GAREM1: variants seen among roughly 807,000 people sequenced by gnomAD.
GAREM1 encodes the protein GRB2-associated and regulator of MAPK protein 1.
A neutral mutation model predicts 71.3 loss-of-function variants in GAREM1; 26 were observed. The ratio of observed to expected loss-of-function variants is 0.36; its 90% CI spans 0.27 to 0.51. The LOEUF (loss-of-function observed/expected upper bound fraction) is 0.51, where lower values mean the gene tolerates loss of function less well. GAREM1 is among the 20% of genes least tolerant of loss of function. The pLI is 0.95. For missense variants in GAREM1, 1,026 were observed against 1,103.1 expected (o/e 0.93, Z 0.99); for synonymous variants, 440 against 433.2 (o/e 1.02, Z -0.20).
At chr18:32,371,111 A>G (rs531989527) in intron 2 of GAREM1, among the ~76,000 whole-genome samples, 31 of 152,128 alleles carry the variant, frequency 2.0e-4, no homozygotes, top group African/African-American at 7.2e-4. Context: ...ATGAAGCCCA[A>G]TCTTCCAGGT....
chr18:32,393,809 A>G (rs1380195061), intron 1 of GAREM1, among the ~76,000 whole-genome samples: 1 of 152,234 alleles, frequency 6.6e-6, no homozygotes, highest in African/African-American at 2.4e-5. Flanking sequence ...CCTGAAACTT[A>G]AAAGATGTTT....
At chr18:32,410,388 G>A (rs1395016796) in intron 1 of GAREM1, among the ~76,000 whole-genome samples, 2 of 152,128 alleles carry the variant, frequency 1.3e-5, no homozygotes, top group African/African-American at 4.8e-5. Context: ...TCACTCTGTT[G>A]CCCAGCCTGG....
intron 4 of GAREM1, among the ~76,000 whole-genome samples, chr18:32,285,846 T>G (rs569317196): frequency 1.3e-5 from 2 of 152,304 alleles, no homozygotes; most frequent in South Asian, 4.1e-4. Context: ...CCATAGTTTT[T>G]AAAAACCCGG....
At chr18:32,292,496 C>T (rs1327406891) in intron 3 of GAREM1, among the ~76,000 whole-genome samples, 1 of 152,140 alleles carries the variant, frequency 6.6e-6, no homozygotes, top group Non-Finnish European at 1.5e-5. Flanking sequence ...GGCTGTGACC[C>T]CAACCAAATC....
At chr18:32,384,826 T>C (rs1221973718) in intron 2 of GAREM1, among the ~76,000 whole-genome samples, 6 of 152,196 alleles carry the variant, frequency 3.9e-5, no homozygotes, top group African/African-American at 9.6e-5. Flanking sequence ...TCCATTCTTG[T>C]AGCAAAGACA....
chr18:32,435,602 G>C (rs112336667), intron 1 of GAREM1, among the ~76,000 whole-genome samples: 2,134 of 152,198 alleles, frequency 0.014, 24 homozygotes, highest in Middle Eastern at 0.037. Flanking sequence ...GGAGAAACCA[G>C]TAGAGGTGTA....
intron 4 of GAREM1, among the ~76,000 whole-genome samples, chr18:32,276,229 C>T (rs2041541007): frequency 6.6e-6 from 1 of 152,212 alleles, no homozygotes; most frequent in South Asian, 2.1e-4. Context: ...ATAATGGGGG[C>T]TTAAAGCAAG....
chr18:32,271,437 G>A (rs1024581126), intron 4 of GAREM1, among the ~76,000 whole-genome samples: 1 of 152,018 alleles, frequency 6.6e-6, no homozygotes, highest in Non-Finnish European at 1.5e-5. Flanking sequence ...TACTTGCCTG[G>A]GCCTCCCACA....
chr18:32,468,960 T>TCCCCCCCCCCCCCCCCCCCCCCCCC (rs34977174), intron 1 of GAREM1, among the ~76,000 whole-genome samples: 9 of 82,164 alleles, frequency 1.1e-4, no homozygotes, highest in African/African-American at 1.5e-4. Flanking sequence ...CACCTGTGCG[T>TCCCCCCCCCCCCCCCCCCCCCCCCC]CCCCCCCCCC....
intron 1 of GAREM1, among the ~76,000 whole-genome samples, chr18:32,405,632 T>C (rs1326996016): frequency 6.6e-6 from 1 of 152,366 alleles, no homozygotes; most frequent in Admixed American, 6.5e-5. Flanking sequence ...TGCCATGTCA[T>C]TGAGTTCTAG....
intron 1 of GAREM1, among the ~76,000 whole-genome samples, chr18:32,410,020 T>TC (rs1199291754): frequency 1.3e-5 from 2 of 152,160 alleles, no homozygotes; most frequent in Non-Finnish European, 2.9e-5. Context: ...GTTGGACAGG[T>TC]CGTAAGATGA....
chr18:32,383,582 G>A (rs1164926043), intron 2 of GAREM1, among the ~76,000 whole-genome samples: 1 of 152,164 alleles, frequency 6.6e-6, no homozygotes, highest in Non-Finnish European at 1.5e-5. Flanking sequence ...AGTGAGACAA[G>A]CACTTTCCCA....
chr18:32,429,200 C>T (rs139358190), intron 1 of GAREM1, among the ~76,000 whole-genome samples: 117 of 152,120 alleles, frequency 7.7e-4, no homozygotes, highest in African/African-American at 2.6e-3. Context: ...ACTGTTGGAC[C>T]GCTTTTATAT....
Position 32,288,581 on chromosome 18 carries a change from A to C in GAREM1, c.394-378T>G, listed in dbSNP as rs180812519. Among the ~76,000 whole-genome samples the C allele has an allele frequency of 1.2e-3, 188 of 151,688 alleles. 1 individual carries two copies. In the Middle Eastern group the frequency reaches 0.014, roughly 11 times the overall value. On this transcript the variant is annotated intron_variant, in intron 3 of 5. Coordinates refer to ENST00000269209, the MANE Select transcript of GAREM1 (RefSeq NM_001242409.2). Reference sequence around the variant, plus strand: ...TTTTTTACTTTTTAAAATTTTATTAAATTTTTAAAATTTGAAATTGAGAAA... The same window carrying C: ...TTTTTTACTTTTTAAAATTTTATTACATTTTTAAAATTTGAAATTGAGAAA...
chr18:32,364,875 GACACACACACAC>G (rs35309414), intron 2 of GAREM1, among the ~76,000 whole-genome samples: 3 of 144,478 alleles, frequency 2.1e-5, no homozygotes, highest in African/African-American at 7.5e-5. Context: ...TAAGAGCACA[GACACACACACAC>G]ACACACACAC....
At chr18:32,394,602 C>A (rs773788860) in intron 1 of GAREM1, among the ~76,000 whole-genome samples, 1 of 152,130 alleles carries the variant, frequency 6.6e-6, no homozygotes, top group Admixed American at 6.6e-5. Context: ...TGCTGCCCAT[C>A]ACCTCTTGAG....
At chr18:32,421,846 G>T (rs1271090609) in intron 1 of GAREM1, among the ~76,000 whole-genome samples, 1 of 151,992 alleles carries the variant, frequency 6.6e-6, no homozygotes, top group East Asian at 1.9e-4. Flanking sequence ...TCCCAAGCTA[G>T]ACACAAGTTA....
chr18:32,327,435 A>G (rs1327965546), intron 2 of GAREM1, among the ~76,000 whole-genome samples: 2 of 152,238 alleles, frequency 1.3e-5, no homozygotes, highest in Admixed American at 6.5e-5. Flanking sequence ...TGAAGTATTT[A>G]GCCTTGCAAA....
chr18:32,420,765 A>AAT (rs1405810457), intron 1 of GAREM1, among the ~76,000 whole-genome samples: 6 of 151,856 alleles, frequency 4.0e-5, no homozygotes, highest in African/African-American at 1.5e-4. Flanking sequence ...GAAAAAAAAA[A>AAT]AAAAATAGAA....
Sources: allele counts gnomAD v4.1 joint callset (sites outside exome capture counted in the v4.1 genomes callset), GRCh38; gene constraint gnomAD v4.1.1; transcripts MANE v1.5; gene names NCBI Gene and HGNC (gene_info 2026-07-23, HGNC 2026-07-21).